Variants in GEMIN5 observed in about 807,000 individuals in gnomAD.
GEMIN5 encodes the protein gem nuclear organelle associated protein 5.
A neutral mutation model predicts 176.9 loss-of-function variants in GEMIN5; 124 were observed. That is an observed-to-expected ratio of 0.70 (90% confidence interval 0.61 to 0.81). The LOEUF (loss-of-function observed/expected upper bound fraction) is 0.81, where lower values mean the gene tolerates loss of function less well. Ranked by LOEUF, GEMIN5 falls within the 40% of genes least tolerant of loss-of-function variation. The pLI is 0.00. For missense variants in GEMIN5, 1,843 were observed against 1,814.6 expected (o/e 1.02, Z -0.28); for synonymous variants, 673 against 665.2 (o/e 1.01, Z -0.18).
At chr5:154,929,786 C>T (rs1305090146) in intron 5 of GEMIN5, among the ~76,000 whole-genome samples, 2 of 152,220 alleles carry the variant, frequency 1.3e-5, no homozygotes, top group African/African-American at 4.8e-5. Flanking sequence ...TAGTTACCTA[C>T]CACTGATGAA....
In GEMIN5 at chr5:154,935,971, A is replaced by G; in HGVS notation, c.379T>C (p.Ser127Pro). Residue 127 changes from serine to proline, a missense_variant, in exon 3 of 28, where the codon TCT (serine) becomes CCT (proline). By Grantham distance (74) the Ser-to-Pro change is moderately conservative. Coordinates refer to ENST00000285873, the MANE Select transcript of GEMIN5 (RefSeq NM_015465.5). ...AAAACTACTCCTTTTTCATCCCCAG[A>G]TACTATTAAGTCCTTTACTCGAGGA... ...WSPRVKDLIV[S>P]GDEKGVVFCY... 1 of 1,612,230 alleles carries G rather than the reference A, an allele frequency of 6.2e-7. No individual in the cohort carries two copies. The highest frequency in any genetic ancestry group is 8.5e-7 in the Non-Finnish European group (1 of 1,178,412).
intron 7 of GEMIN5, among the ~76,000 whole-genome samples, chr5:154,926,841 C>A (rs1222876230): frequency 1.3e-5 from 2 of 152,160 alleles, no homozygotes; most frequent in Non-Finnish European, 2.9e-5. Context: ...GTCAGGAGAT[C>A]GAGGCCATCC....
At position 154,902,576 on chromosome 5, in the gene GEMIN5, C is replaced by T; in HGVS notation, c.2829G>A (p.Gly943=). The change falls in exon 20 of 28, where the codon GGG becomes GGA. Residue 943 remains glycine, a synonymous_variant. Transcript: ENST00000285873. ...KGVLQTAAER[G]ELTDNLVAMA... is the part of the protein sequence containing the mutation. The stretch of plus-strand genomic sequence containing the variant: ...TAGCCACAAGGTTGTCTGTCAGCTC[C>T]CCTCTTTCTGCTGCAGTCTGGAGAA... 2 of 1,613,960 alleles carry T rather than the reference C, an allele frequency of 1.2e-6. No individual in the cohort carries two copies. Among genetic ancestry groups the T allele is most frequent in the Non-Finnish European group, 1.7e-6 (2 of 1,179,828 alleles).
chr5:154,907,627 G>C lies in GEMIN5; in HGVS notation c.2359C>G (p.Arg787Gly), dbSNP rs200476714. ...AGGCCACAGGGTAATTCCGGCTCCC[G>C]TGCTTGCTCCTCCCCTTCTTGGTCT... is the stretch of plus-strand genomic sequence containing the variant. Reference protein sequence around the residue: ...VSDQEGEEQAREPELPCGLAP... With the variant: ...VSDQEGEEQAGEPELPCGLAP... Residue 787 changes from arginine to glycine, a missense_variant, in exon 16 of 28, where the codon CGG (arginine) becomes GGG (glycine). By Grantham distance (125) the Arg-to-Gly change is moderately radical. Transcript: ENST00000285873. 1 of 1,614,046 alleles carries C rather than the reference G, an allele frequency of 6.2e-7. No individual in the cohort carries two copies. The highest frequency in any genetic ancestry group is 8.5e-7 in the Non-Finnish European group (1 of 1,179,984).
Position 154,937,032 on chromosome 5 carries a change from A to G in GEMIN5, c.320T>C (p.Leu107Pro). ...ETKTVVTEHA[L>P]HQHTISTLHW... ...ACCAGTAAGCCATGGTACCTGATGG[A>G]GTGCATGTTCTGTCACAACTGTTTT... Residue 107 changes from leucine to proline, a missense_variant, in exon 2 of 28, where the codon CTC becomes CCC. Physicochemically the swap from Leu to Pro is moderately conservative, Grantham distance 98 (BLOSUM62 -3). Coordinates refer to ENST00000285873, the MANE Select transcript of GEMIN5 (RefSeq NM_015465.5). The G allele has an allele frequency of 6.2e-7, 1 of 1,612,844 alleles. No homozygotes were observed. The highest frequency in any genetic ancestry group is 8.5e-7 in the Non-Finnish European group (1 of 1,179,178).
rs754015906 is a variant in GEMIN5, at chr5:154,931,558, G to A, written c.681C>T (p.Asn227=). 6.2e-6 allele frequency: 10 copies of A among 1,604,264 alleles called. No individual in the cohort carries two copies. The highest frequency in any genetic ancestry group is 4.5e-5 in the East Asian group (2 of 44,650). ...EETSEEAEIT[N]GNAVAQAPVT... ...CTGGAGCTTGTGCTACAGCATTCCC[G>A]TTGGTAATTTCAGCTTCTTCTATGA... is the stretch of plus-strand genomic sequence containing the variant. The change falls in exon 5 of 28, where the codon AAC becomes AAT. Residue 227 remains asparagine (N), a synonymous_variant. Transcript: ENST00000285873.
rs995136392 is a variant in GEMIN5, at chr5:154,937,946, G to C, written c.166+22C>G. ...GAGCGTACAAAGGGCAGTAAGTCTC[G>C]GGCCCAAGGGTGGTGAGTTACCTCG... On this transcript the variant is annotated intron_variant, in intron 1 of 27. Transcript: ENST00000285873. 8 of 1,544,956 alleles carry C rather than the reference G, an allele frequency of 5.2e-6. No homozygotes were observed. The South Asian group carries it at 5.9e-5, about 11-fold the overall frequency.
At chr5:154,914,856 A>C (rs1198371710) in intron 13 of GEMIN5, among the ~76,000 whole-genome samples, 1 of 152,258 alleles carries the variant, frequency 6.6e-6, no homozygotes, top group Non-Finnish European at 1.5e-5. Context: ...GAAAAACTAC[A>C]TACATACACG....
chr5:154,925,818 G>GC, intron 8 of GEMIN5, 44 bp downstream of exon 8: 1 of 1,092,208 alleles, frequency 9.2e-7, no homozygotes, highest in Non-Finnish European at 1.4e-6. Flanking sequence ...AGAATTATTT[G>GC]GAAAAAAAAA....
Position 154,907,716 on chromosome 5 carries a change from G to C in GEMIN5, c.2270C>G (p.Ser757Trp). 2.5e-6 allele frequency: 4 copies of C among 1,614,024 alleles called. No individual in the cohort carries two copies. Among genetic ancestry groups the C allele is most frequent in the Middle Eastern group, 3.3e-4 (2 of 6,062 alleles). The stretch of plus-strand genomic sequence containing the variant: ...GCTTTCTTCTTCATTTCCATCAATC[G>C]ATTCCAGCTTTACAGGAGTTCTCAA... ...PTLRTPVKLESIDGNEEESMK... is the reference protein window; with the variant it reads ...PTLRTPVKLEWIDGNEEESMK... The change falls in exon 16 of 28, where the codon TCG (serine) becomes TGG (tryptophan). Residue 757 changes from serine (S) to tryptophan (W), a missense_variant. By Grantham distance (177) the Ser-to-Trp change is radical. Coordinates refer to ENST00000285873, the MANE Select transcript of GEMIN5 (RefSeq NM_015465.5).
rs115893184 is a variant in GEMIN5, at chr5:154,896,242, G to A, written c.3447C>T (p.Asn1149=). The change falls in exon 24 of 28, where the codon AAC becomes AAT. Residue 1149 remains asparagine (N), a synonymous_variant. Transcript: ENST00000285873. ...CCACGAAAGGCCCTTCGGTGCCCGT[G>A]TTCCAAGTGTGGTAAGAGGAGGAGC... is the stretch of plus-strand genomic sequence containing the variant. ...GKSSSSYHTW[N]TGTEGPFVER... 2.3e-4 allele frequency: 370 copies of A among 1,613,864 alleles called. 2 individuals carry two copies. The African/African-American group carries it at 4.4e-3, about 19-fold the overall frequency.
At chr5:154,897,915 T>G (rs199767655) in intron 23 of GEMIN5, among the ~76,000 whole-genome samples, 8 of 6,598 alleles carry the variant, frequency 1.2e-3, no homozygotes, top group East Asian at 0.042. Context: ...TTTTTTTGTG[T>G]TTTTTTTTTT....
Position 154,888,357 on chromosome 5 carries a change from C to T in GEMIN5, c.4380G>A (p.Val1460=), listed in dbSNP as rs1447738615. The change falls in exon 28 of 28, where the codon GTG becomes GTA. Residue 1460 remains valine, a synonymous_variant. Transcript: ENST00000285873. ...GAAGCAGGACGAGGCAGCACTCCAGCACATCTGGGAAGGGCCAGGCCTGAA... is the reference window on the plus strand; with the variant it reads ...GAAGCAGGACGAGGCAGCACTCCAGTACATCTGGGAAGGGCCAGGCCTGAA... ...ESIKAWPFPD[V]LECCLVLLLI... 6.2e-7 allele frequency: 1 copy of T among 1,614,018 alleles called. No individual in the cohort carries two copies. Among genetic ancestry groups the T allele is most frequent in the Admixed American group, 1.7e-5 (1 of 59,964 alleles).
At position 154,891,572 on chromosome 5, in the gene GEMIN5, A is replaced by G; in HGVS notation, c.3931T>C (p.Ser1311Pro). 6.2e-7 allele frequency: 1 copy of G among 1,614,120 alleles called. No homozygotes were observed. The highest frequency in any genetic ancestry group is 1.7e-5 in the Admixed American group (1 of 60,020). Residue 1311 changes from serine to proline, a missense_variant, in exon 26 of 28, where the codon TCT (serine) becomes CCT (proline). Physicochemically the swap from Ser to Pro is moderately conservative, Grantham distance 74. Transcript: ENST00000285873. ...VWVRAGHRTL[S>P]VEPSQQLDTA... is the part of the protein sequence containing the mutation. Reference sequence around the variant, plus strand: ...TCTAACTGCTGGCTTGGCTCAACAGAGAGTGTTCTGTGACCAGCCCTTACC... The same window carrying G: ...TCTAACTGCTGGCTTGGCTCAACAGGGAGTGTTCTGTGACCAGCCCTTACC...
At chr5:154,892,656 TCA>T (rs1412804522) in intron 24 of GEMIN5, 107 bp from the exon 25 acceptor site, 2 of 1,092,388 alleles carry the variant, frequency 1.8e-6, no homozygotes, top group African/African-American at 3.2e-5. Flanking sequence ...TACACACAAT[TCA>T]CACTTTGAAA....
At chr5:154,907,887 C>T in intron 15 of GEMIN5, 69 bp from the exon 16 acceptor site, 2 of 976,964 alleles carry the variant, frequency 2.0e-6, no homozygotes, top group Non-Finnish European at 3.2e-6. Flanking sequence ...AGGTGGTAAA[C>T]TCCAATATCT....
rs1384648539 is a variant in GEMIN5, at chr5:154,927,093, T to G, written c.1080+292A>C. ...TAACACTAACAACAGCTGATGAACT[T>G]AAAACCATCCTGAGCTGTGGGTTGG... On this transcript the variant is annotated intron_variant, in intron 7 of 27. Coordinates refer to ENST00000285873, the MANE Select transcript of GEMIN5 (RefSeq NM_015465.5). Among the ~76,000 whole-genome samples the G allele has an allele frequency of 2.6e-5, 4 of 151,962 alleles. No individual in the cohort carries two copies. In the South Asian group the frequency reaches 8.3e-4, roughly 31 times the overall value.
At chr5:154,935,018 A>T (rs1006167284) in intron 3 of GEMIN5, among the ~76,000 whole-genome samples, 37 of 152,134 alleles carry the variant, frequency 2.4e-4, no homozygotes, top group Non-Finnish European at 8.8e-5. Context: ...TCTTCTTGTC[A>T]TCTGAATCCA....
chr5:154,933,409 T>G (rs1764205460), intron 3 of GEMIN5, among the ~76,000 whole-genome samples: 1 of 152,378 alleles, frequency 6.6e-6, no homozygotes, highest in South Asian at 2.1e-4. Flanking sequence ...ATTACACTAT[T>G]GTATTAGTAC....
Sources: allele counts gnomAD v4.1 joint callset (sites outside exome capture counted in the v4.1 genomes callset), GRCh38; gene constraint gnomAD v4.1.1; transcripts MANE v1.5; gene names NCBI Gene and HGNC (gene_info 2026-07-23, HGNC 2026-07-21).